Variants in FAT1 observed in about 807,000 individuals in gnomAD.
FAT1 encodes the protein FAT atypical cadherin 1, also known as protocadherin Fat 1.
Under a neutral mutation model 329.8 loss-of-function variants are expected in FAT1, and 171 were observed. That is an observed-to-expected ratio of 0.52 (90% CI 0.46 to 0.59). The LOEUF is 0.59. Among genes scored for constraint, FAT1 ranks in the 20% least tolerant of loss-of-function variants. The pLI is 0.00. For missense variants in FAT1, 5,672 were observed against 5,774.4 expected (o/e 0.98, Z 0.57); for synonymous variants, 2,233 against 2,228.6 (o/e 1.00, Z -0.06).
chr4:186,651,060 A>ATCTATTATTAAATAATTTG (rs1321786808), intron 3 of FAT1, among the ~76,000 whole-genome samples: 1 of 148,908 alleles, frequency 6.7e-6, no homozygotes, highest in African/African-American at 2.5e-5. Context: ...TAAATAATTT[A>ATCTATTATTAAATAATTTG]TTTATTATTA....
intron 3 of FAT1, among the ~76,000 whole-genome samples, chr4:186,645,962 A>AAAC: frequency 1.1e-5 from 1 of 94,522 alleles, no homozygotes; most frequent in Non-Finnish European, 2.1e-5. Context: ...AAAAAAAAAA[A>AAAC]ATATATACAC....
intron 1 of FAT1, among the ~76,000 whole-genome samples, chr4:186,722,894 C>CA (rs61515271): frequency 0.068 from 9,952 of 145,686 alleles, 345 homozygotes; most frequent in Admixed American, 0.11. Context: ...ACAGTTCAGA[C>CA]AAAAAAAAAA....
At chr4:186,589,600 T>C (rs1291965147) in intron 26 of FAT1, among the ~76,000 whole-genome samples, 1 of 152,234 alleles carries the variant, frequency 6.6e-6, no homozygotes, top group African/African-American at 2.4e-5. Flanking sequence ...AGAAGAGTAC[T>C]GATCCAGTCT....
In FAT1 at chr4:186,618,716, C is replaced by T. The variant is rs2126498235; in HGVS notation, c.7870G>A (p.Asp2624Asn). ...SVVKVLASDA[D>N]EGSNADITYA... is the part of the protein sequence containing the mutation. ...GTGATGTCGGCATTGGAGCCCTCATCGGCATCACTTGCAAGAACTTTAACG... is the reference window on the plus strand; with the variant it reads ...GTGATGTCGGCATTGGAGCCCTCATTGGCATCACTTGCAAGAACTTTAACG... The change falls in exon 10 of 27, where the codon GAT (aspartate) becomes AAT (asparagine). Residue 2624 changes from aspartate to asparagine, a missense_variant. Physicochemically the swap from Asp to Asn is conservative, Grantham distance 23 (BLOSUM62 1). Coordinates refer to ENST00000441802, the MANE Select transcript of FAT1 (RefSeq NM_005245.4). The T allele has an allele frequency of 5.6e-6, 9 of 1,614,036 alleles. No individual in the cohort carries two copies. Among genetic ancestry groups the T allele is most frequent in the African/African-American group, 1.3e-5 (1 of 75,058 alleles).
At chr4:186,638,864 C>T (rs1364449150) in intron 4 of FAT1, among the ~76,000 whole-genome samples, 1 of 151,862 alleles carries the variant, frequency 6.6e-6, no homozygotes, top group Non-Finnish European at 1.5e-5. Flanking sequence ...AAGGCTGGCT[C>T]CGATAATGAA....
chr4:186,708,549 T>C lies in FAT1; in HGVS notation c.1279A>G (p.Lys427Glu), dbSNP rs756850240. 3.7e-6 allele frequency: 6 copies of C among 1,614,026 alleles called. No homozygotes were observed. Among genetic ancestry groups the C allele is most frequent in the Admixed American group, 3.3e-5 (2 of 60,026 alleles). The change falls in exon 2 of 27, where the codon AAA becomes GAA. Residue 427 changes from lysine to glutamate, a missense_variant. Physicochemically the swap from Lys to Glu is moderately conservative, Grantham distance 56. Around this residue, in one of 2 missense-constraint regions of FAT1, gnomAD observed 3,966 missense variants for 3,915.2 expected, o/e 1.01. Transcript: ENST00000441802. ...TCAAAATGGGCTGCCTGCTGTCTTT[T>C]AACTGGTTCTAAAATAGAAATGAGA... The part of the protein sequence containing the change: ...TGLISILEPV[K>E]RQQAAHFELE...
In FAT1 at chr4:186,620,234, A is replaced by G. The variant is rs764165205; in HGVS notation, c.6352T>C (p.Tyr2118His). 3 of 1,614,010 alleles carry G rather than the reference A, an allele frequency of 1.9e-6. No homozygotes were observed. In the Admixed American group the frequency reaches 5.0e-5, roughly 27 times the overall value. ...RDSGRNGEVH[Y>H]YLKEHHEHFQ... ...TGTTCATGATGTTCCTTGAGGTAGTAATGCACTTCCCCGTTTCTGCCACTG... is the reference window on the plus strand; with the variant it reads ...TGTTCATGATGTTCCTTGAGGTAGTGATGCACTTCCCCGTTTCTGCCACTG... Residue 2118 changes from tyrosine to histidine, a missense_variant, in exon 10 of 27, where the codon TAC (tyrosine) becomes CAC (histidine). Physicochemically the swap from Tyr to His is moderately conservative, Grantham distance 83. Coordinates refer to ENST00000441802, the MANE Select transcript of FAT1 (RefSeq NM_005245.4).
At chr4:186,693,106 T>G (rs1743863706) in intron 2 of FAT1, among the ~76,000 whole-genome samples, 1 of 152,180 alleles carries the variant, frequency 6.6e-6, no homozygotes, top group Non-Finnish European at 1.5e-5. Context: ...AAAAATAACT[T>G]GAAGATATAC....
chr4:186,682,329 A>C (rs460567), intron 2 of FAT1, among the ~76,000 whole-genome samples: 150,799 of 152,178 alleles, frequency 0.99, 74,723 homozygotes, highest in East Asian at 1. Flanking sequence ...GAGTTCGAGA[A>C]CAGCCTGGTC....
Position 186,620,337 on chromosome 4 carries a change from G to A in FAT1, c.6249C>T (p.Asn2083=), listed in dbSNP as rs762074351. 9 of 1,613,904 alleles carry A rather than the reference G, an allele frequency of 5.6e-6. No homozygotes were observed. Among genetic ancestry groups the A allele is most frequent in the African/African-American group, 1.3e-5 (1 of 74,944 alleles). Residue 2083 remains asparagine (N), a synonymous_variant, in exon 10 of 27, where the codon AAC becomes AAT. Transcript: ENST00000441802. ...CTTTAACAACGGCGTAGTAGGGAAG[G>A]TTGACAAACACCGGCGCATTATCAT... ...DQNDNAPVFV[N]LPYYAVVKVD...
chr4:186,693,032 T>A (rs1214309910), intron 2 of FAT1, among the ~76,000 whole-genome samples: 2 of 152,344 alleles, frequency 1.3e-5, no homozygotes, highest in East Asian at 1.9e-4. Context: ...TGCTTTGGTA[T>A]CTTCAGACTT....
chr4:186,636,264 A>C, intron 5 of FAT1, 29 bp from the exon 6 acceptor site: 1 of 1,600,002 alleles, frequency 6.2e-7, no homozygotes, highest in Non-Finnish European at 8.6e-7. Flanking sequence ...GGGGATTAAA[A>C]ACAGCAAATC....
chr4:186,590,672 T>C (rs749033863), intron 26 of FAT1: 2 of 456,268 alleles, frequency 4.4e-6, no homozygotes, highest in South Asian at 3.1e-5. Context: ...TTACTTTCTT[T>C]TCCTTGTTTC....
At position 186,636,040 on chromosome 4, in the gene FAT1, A is replaced by G; in HGVS notation, c.4168T>C (p.Trp1390Arg). The G allele has an allele frequency of 1.2e-6, 2 of 1,613,988 alleles. No homozygotes were observed. Among genetic ancestry groups the G allele is most frequent in the Non-Finnish European group, 1.7e-6 (2 of 1,179,870 alleles). Reference protein sequence around the residue: ...ISVEPPGIPLWFDITGGNYDS... With the variant: ...ISVEPPGIPLRFDITGGNYDS... ...GAATGCTTACCAGTGATGTCAAACCAAAGGGGTATGCCAGGAGGCTCCACA... is the reference window on the plus strand; with the variant it reads ...GAATGCTTACCAGTGATGTCAAACCGAAGGGGTATGCCAGGAGGCTCCACA... Residue 1390 changes from tryptophan (W) to arginine (R), a missense_variant, in exon 6 of 27, where the codon TGG (tryptophan) becomes CGG (arginine). By Grantham distance (101) the Trp-to-Arg change is moderately radical (BLOSUM62 -3). Around this residue, in one of 2 missense-constraint regions of FAT1, gnomAD observed 3,966 missense variants for 3,915.2 expected, o/e 1.01. Transcript: ENST00000441802.
chr4:186,658,448 G>C (rs761730891), intron 3 of FAT1, among the ~76,000 whole-genome samples: 2 of 152,060 alleles, frequency 1.3e-5, no homozygotes, highest in Admixed American at 6.6e-5. Flanking sequence ...GTTACACTAT[G>C]ACAAAAGGGG....
chr4:186,604,847 A>G (rs973827780), intron 17 of FAT1, among the ~76,000 whole-genome samples: 4 of 151,622 alleles, frequency 2.6e-5, no homozygotes, highest in African/African-American at 9.7e-5. Flanking sequence ...GGGGAAGCAG[A>G]CACGAGGAGG....
chr4:186,591,723 AG>A (rs1738247402), intron 26 of FAT1, among the ~76,000 whole-genome samples: 1 of 152,246 alleles, frequency 6.6e-6, no homozygotes, highest in South Asian at 2.1e-4. Context: ...GGTACTTCTT[AG>A]GAAAAGAAGT....
chr4:186,606,839 G>A (rs1182179233), intron 16 of FAT1, among the ~76,000 whole-genome samples: 3 of 152,220 alleles, frequency 2.0e-5, no homozygotes, highest in East Asian at 1.9e-4. Flanking sequence ...AGAATGAGTT[G>A]TGGGAGAAGC....
At chr4:186,616,508 T>C (rs549567784) in intron 11 of FAT1, among the ~76,000 whole-genome samples, 1 of 152,224 alleles carries the variant, frequency 6.6e-6, no homozygotes, top group South Asian at 2.1e-4. Flanking sequence ...TCGAGCCACA[T>C]GCCCTCATCT....
Sources: allele counts gnomAD v4.1 joint callset (sites outside exome capture counted in the v4.1 genomes callset), GRCh38; gene constraint gnomAD v4.1.1; regional missense constraint gnomAD v4.1.1; transcripts MANE v1.5; gene names NCBI Gene and HGNC (gene_info 2026-07-23, HGNC 2026-07-21).